Variants in YAP1 observed in about 807,000 individuals in gnomAD.
YAP1 encodes the protein transcriptional coactivator YAP1.
YAP1 carries 5 observed loss-of-function variants against 56.9 expected under a neutral mutation model. The ratio of observed to expected loss-of-function variants is 0.09; its 90% CI spans 0.05 to 0.18. YAP1 has a LOEUF of 0.18. Ranked by LOEUF, YAP1 falls within the 10% of genes least tolerant of loss-of-function variation. The pLI, the probability that YAP1 is intolerant of heterozygous loss-of-function variation, is 1.00. For synonymous variants in YAP1, 265 were observed against 248.1 expected (o/e 1.07, Z -0.64); for missense variants, 539 against 651.8 (o/e 0.83, Z 1.88).
At chr11:102,126,893 T>G (rs1269478409) in intron 2 of YAP1, among the ~76,000 whole-genome samples, 1 of 152,196 alleles carries the variant, frequency 6.6e-6, no homozygotes, top group African/African-American at 2.4e-5. Context: ...AGGAACTTCT[T>G]GGGAACTGGA....
intron 2 of YAP1, among the ~76,000 whole-genome samples, chr11:102,150,801 G>GTTTTT: frequency 1.3e-5 from 1 of 76,488 alleles, no homozygotes; most frequent in African/African-American, 3.7e-5. Flanking sequence ...ACATACAAAT[G>GTTTTT]GTTTTTTTTT....
chr11:102,221,805 G>A (rs1434122794), intron 6 of YAP1, among the ~76,000 whole-genome samples: 1 of 151,764 alleles, frequency 6.6e-6, no homozygotes, highest in Non-Finnish European at 1.5e-5. Context: ...GATCATAAAT[G>A]GTATTTTAAA....
intron 2 of YAP1, among the ~76,000 whole-genome samples, chr11:102,124,947 T>C (rs780649956): frequency 2.0e-5 from 3 of 152,142 alleles, no homozygotes; most frequent in Non-Finnish European, 4.4e-5. Context: ...ATGTTTCCCA[T>C]GGTTGGTCTC....
intron 6 of YAP1, among the ~76,000 whole-genome samples, chr11:102,218,852 G>A (rs1382317489): frequency 6.6e-6 from 1 of 152,168 alleles, no homozygotes; most frequent in Non-Finnish European, 1.5e-5. Flanking sequence ...GTTGTTAAAT[G>A]AAGTAAAAAG....
intron 3 of YAP1, among the ~76,000 whole-genome samples, chr11:102,180,646 C>T (rs1373280241): frequency 7.3e-6 from 1 of 137,534 alleles, no homozygotes; most frequent in African/African-American, 2.8e-5. Context: ...CATGCCACTG[C>T]ACTCCAGCCT....
At chr11:102,154,853 T>C (rs1945852898) in intron 2 of YAP1, among the ~76,000 whole-genome samples, 1 of 152,164 alleles carries the variant, frequency 6.6e-6, no homozygotes, top group African/African-American at 2.4e-5. Context: ...ATGGATATGG[T>C]TTCAGGTTTG....
rs377350624 is a variant in YAP1 at position 102,226,659 on chromosome 11, T to G, written c.1164-810T>G. Among the ~76,000 whole-genome samples, 13 of 152,318 alleles carry G rather than the reference T, an allele frequency of 8.5e-5. No homozygotes were observed. In the East Asian group the frequency reaches 1.7e-3, roughly 20 times the overall value. On this transcript the variant is annotated intron_variant, in intron 7 of 8. Transcript: ENST00000282441. ...AGGGTAATGGATATTTACCATACTT[T>G]TAATGTAAATCTGGGAAACCTTACT...
chr11:102,227,097 G>A (rs562573077), intron 7 of YAP1: 1 of 179,244 alleles, frequency 5.6e-6, no homozygotes, highest in Non-Finnish European at 1.2e-5. Context: ...AGTTGTATGG[G>A]TTCCTCCGCA....
intron 4 of YAP1, among the ~76,000 whole-genome samples, chr11:102,193,834 T>G (rs1252248536): frequency 6.6e-6 from 1 of 151,578 alleles, no homozygotes; most frequent in Non-Finnish European, 1.5e-5. Context: ...TTTTTTTTGT[T>G]TGATTTTTGT....
intron 3 of YAP1, among the ~76,000 whole-genome samples, chr11:102,179,836 A>G (rs1047612271): frequency 6.6e-6 from 1 of 152,134 alleles, no homozygotes; most frequent in African/African-American, 2.4e-5. Context: ...TAGGAACTCA[A>G]TAAATACTTG....
chr11:102,146,894 T>C lies in YAP1; in HGVS notation c.573-15562T>C, dbSNP rs543986178. On this transcript the variant is annotated intron_variant, in intron 2 of 8. Coordinates refer to ENST00000282441, the MANE Select transcript of YAP1 (RefSeq NM_001130145.3). ...GTTGCTAAATGGAATTAAAATACTG[T>C]GTCTGGCTTTTACTATATTCAGGGG... Among the ~76,000 whole-genome samples, 11 of 152,330 alleles carry C rather than the reference T, an allele frequency of 7.2e-5. No homozygotes were observed. The East Asian group carries it at 2.1e-3, about 29-fold the overall frequency.
intron 4 of YAP1, among the ~76,000 whole-genome samples, chr11:102,189,545 C>T (rs982637898): frequency 4.6e-5 from 7 of 152,082 alleles, no homozygotes; most frequent in Admixed American, 3.3e-4. Flanking sequence ...AATTATACTT[C>T]TGAATTTTAA....
At chr11:102,131,216 A>G (rs147106537) in intron 2 of YAP1, among the ~76,000 whole-genome samples, 25 of 152,342 alleles carry the variant, frequency 1.6e-4, no homozygotes, top group African/African-American at 5.3e-4. Flanking sequence ...AGAGTAGCCA[A>G]TGCTTAGTCT....
intron 3 of YAP1, among the ~76,000 whole-genome samples, chr11:102,173,770 T>A (rs1166754835): frequency 6.6e-6 from 1 of 152,214 alleles, no homozygotes; most frequent in African/African-American, 2.4e-5. Context: ...AACTATACTG[T>A]CTTTCTGGAG....
At chr11:102,112,564 TA>T (rs1943020423) in intron 1 of YAP1, 1 of 985,228 alleles carries the variant, frequency 1.0e-6, no homozygotes, top group Middle Eastern at 5.2e-4. Flanking sequence ...AAAGAAGAGT[TA>T]CCGCCCCCAC....
Position 102,204,229 on chromosome 11 carries a change from GA to G in YAP1, c.803-1649del, listed in dbSNP as rs781528022. 6.3e-3 allele frequency among the ~76,000 whole-genome samples: 727 copies of G among 115,808 alleles called. 1 individual carries two copies. Among genetic ancestry groups the G allele is most frequent in the African/African-American group, 1.0e-2 (311 of 31,158 alleles). The allele number at this position is 115,808 out of a possible 152,430, so 76.0% of individuals were successfully genotyped here. On this transcript the variant is annotated intron_variant, in intron 4 of 8. Coordinates refer to ENST00000282441, the MANE Select transcript of YAP1 (RefSeq NM_001130145.3). Reference sequence around the variant, plus strand: ...GGCAACATAGTAAGACAGAAAAGGGGAAAAAAAAAAAAAAAGGTGTGCTAAT... The same window carrying G: ...GGCAACATAGTAAGACAGAAAAGGGGAAAAAAAAAAAAAAGGTGTGCTAAT...
intron 1 of YAP1, chr11:102,112,400 TTTTC>T (rs768636473): frequency 3.3e-5 from 32 of 981,474 alleles, no homozygotes; most frequent in African/African-American, 3.5e-5. Context: ...GGTTCTCTCT[TTTTC>T]TTTCTTTTTT....
chr11:102,113,311 TC>T (rs1943080892), intron 1 of YAP1, among the ~76,000 whole-genome samples: 1 of 151,644 alleles, frequency 6.6e-6, no homozygotes, highest in Non-Finnish European at 1.5e-5. Flanking sequence ...TTCATATACA[TC>T]CATTTTTCTA....
At chr11:102,206,185 A>C in intron 5 of YAP1, 111 bp downstream of exon 5, 3 of 1,311,726 alleles carry the variant, frequency 2.3e-6, no homozygotes, top group Non-Finnish European at 3.1e-6. Flanking sequence ...TGTCTTTGTA[A>C]AACTGAGTGA....
Sources: gnomAD v4.1 joint callset for allele counts (sites outside exome capture counted in the v4.1 genomes callset) on GRCh38, gnomAD v4.1.1 for gene constraint, MANE v1.5 for transcripts, NCBI Gene and HGNC (gene_info 2026-07-23, HGNC 2026-07-21) for gene names.